The following SMN2 variants were observed in gnomAD, a reference collection of about 807,000 sequenced individuals.
The protein encoded by SMN2 is survival of motor neuron 2, centromeric.
A neutral mutation model predicts 2.8 loss-of-function variants in SMN2; 1 was observed. The ratio of observed to expected loss-of-function variants is 0.35; its 90% CI spans 0.13 to 1.68. The LOEUF (loss-of-function observed/expected upper bound fraction) is 1.68, where lower values mean the gene tolerates loss of function less well. SMN2 is among the 40% of genes most tolerant of loss of function. The probability of loss-of-function intolerance (pLI) is 0.35; values close to 1 mark genes in which losing one functional copy is unlikely to be tolerated. For synonymous variants in SMN2, 5 were observed against 5.0 expected (o/e 0.99, Z 0.01); for missense variants, 12 against 16.9 (o/e 0.71, Z 0.51).
chr5:70,077,940 T>C (rs1774803802), downstream of SMN2: 1 of 110,400 alleles, frequency 9.1e-6, no homozygotes, highest in Non-Finnish European at 1.8e-5. Flanking sequence ...TTTCACCATG[T>C]TGGCCAGGCT....
At chr5:70,073,124 C>CA (rs1284419959) in intron 7 of SMN2, among the ~76,000 whole-genome samples, 1 of 39,574 alleles carries the variant, frequency 2.5e-5, no homozygotes, top group African/African-American at 1.0e-4. Context: ...GACTCTGTCT[C>CA]AAAAAATAAA....
downstream of SMN2, among the ~76,000 whole-genome samples, chr5:70,083,515 C>G (rs547211930): frequency 1.5e-5 from 2 of 135,798 alleles, 1 homozygote; most frequent in Admixed American, 1.5e-4. Flanking sequence ...ATGTTTATTG[C>G]GGCACTATTC....
the SMN2 span, among the ~76,000 whole-genome samples, chr5:70,084,486 C>T: frequency 7.3e-6 from 1 of 136,796 alleles, no homozygotes; most frequent in South Asian, 2.3e-4. Flanking sequence ...CGTGCCCGAC[C>T]TACATTTAAA....
At chr5:70,052,806 C>A (rs1774486354) in intron 1 of SMN2, among the ~76,000 whole-genome samples, 1 of 72,238 alleles carries the variant, frequency 1.4e-5, no homozygotes, top group African/African-American at 4.9e-5. Flanking sequence ...CACTTGAACC[C>A]GGGATGTGGA....
At chr5:70,070,018 A>G (rs1333747596) in intron 6 of SMN2, among the ~76,000 whole-genome samples, 1 of 33,138 alleles carries the variant, frequency 3.0e-5, no homozygotes, top group Non-Finnish European at 5.0e-5. Flanking sequence ...CTGGATTTCT[A>G]ATGGTAGATT....
chr5:70,052,904 G>T (rs1247949927), intron 1 of SMN2, among the ~76,000 whole-genome samples: 2 of 131,264 alleles, frequency 1.5e-5, no homozygotes, highest in East Asian at 4.2e-4. Context: ...AAAAAAAAGT[G>T]GGAGGATCAA....
chr5:70,052,379 A>G (rs963317400), intron 1 of SMN2, among the ~76,000 whole-genome samples: 1 of 36,800 alleles, frequency 2.7e-5, no homozygotes, highest in African/African-American at 8.4e-5. Flanking sequence ...TGTCTCTACT[A>G]AAAATACAAA....
the SMN2 span, among the ~76,000 whole-genome samples, chr5:70,085,094 A>G: frequency 2.3e-5 from 3 of 132,644 alleles, 1 homozygote; most frequent in African/African-American, 9.8e-5. Context: ...GTGATTCCCA[A>G]GCATTGTGCT....
At chr5:70,049,528 AATGTGGGAGGGCG>A (rs1774422070), upstream of SMN2, 1 of 86,568 alleles carries the variant, frequency 1.2e-5, no homozygotes, top group Non-Finnish European at 2.1e-5. Context: ...ACACGCCACA[AATGTGGGAGGGCG>A]ATAACCACTC....
At chr5:70,084,729 G>T in the SMN2 span, among the ~76,000 whole-genome samples, 1 of 137,454 alleles carries the variant, frequency 7.3e-6, no homozygotes, top group Non-Finnish European at 1.5e-5. Context: ...TGTTTATATG[G>T]TCTTCCCATT....
rs1257284462 is a variant in SMN2 at position 70,075,021 on chromosome 5, T to A, written c.835-1500T>A. Among the ~76,000 whole-genome samples the A allele has an allele frequency of 1.1e-4, 14 of 125,510 alleles. 2 individuals are homozygous for A. Among genetic ancestry groups the A allele is most frequent in the East Asian group, 2.2e-4 (1 of 4,546 alleles). 82.3% of individuals were successfully genotyped at this position (125,510 alleles called of 152,430 possible). Reference sequence around the variant, plus strand: ...AAAAAAAGGAAGAAAAATATTTTTTTAAATTAATTAGTTTATTTATTTTTT... The same window carrying A: ...AAAAAAAGGAAGAAAAATATTTTTTAAAATTAATTAGTTTATTTATTTTTT... On this transcript the variant is annotated intron_variant, in intron 7 of 8. Coordinates refer to ENST00000380743, the MANE Select transcript of SMN2 (RefSeq NM_017411.4).
chr5:70,071,516 ATTTTTTTT>A (rs1350107358), intron 7 of SMN2: 3 of 86,532 alleles, frequency 3.5e-5, no homozygotes, highest in African/African-American at 1.6e-4. Context: ...ATTTTATTTT[ATTTTTTTT>A]TTTTTTTTGA....
At chr5:70,076,670 G>C in intron 8 of SMN2, 96 bp downstream of exon 8, 2 of 1,406,330 alleles carry the variant, frequency 1.4e-6, no homozygotes, top group Admixed American at 2.2e-5. Flanking sequence ...AAGTTCAGAT[G>C]TTAGAAAGTT....
intron 7 of SMN2, among the ~76,000 whole-genome samples, chr5:70,075,510 G>T (rs1438230052): frequency 8.3e-6 from 1 of 120,078 alleles, no homozygotes; most frequent in African/African-American, 3.5e-5. Context: ...CACTGTGCCC[G>T]GCCTAGTCTT....
intron 7 of SMN2, among the ~76,000 whole-genome samples, chr5:70,074,667 G>C (rs1774686722): frequency 8.5e-6 from 1 of 117,384 alleles, no homozygotes; most frequent in Non-Finnish European, 1.8e-5. Context: ...TAAGGTATAA[G>C]CGGGCTCAGG....
chr5:70,076,536 C>G lies in SMN2; in HGVS notation c.850C>G (p.Gln284Glu). ...TGYYMGFRQN[Q>E]KEGRCSHSLN is the part of the protein sequence containing the mutation. Reference sequence around the variant, plus strand: ...TTCCTTACAGGGTTTTAGACAAAATCAAAAAGAAGGAAGGTGCTCACATTC... The same window carrying G: ...TTCCTTACAGGGTTTTAGACAAAATGAAAAAGAAGGAAGGTGCTCACATTC... Residue 284 changes from glutamine to glutamate, a missense_variant, in exon 8 of 9, where the codon CAA (glutamine) becomes GAA (glutamate). Gln to Glu is a conservative substitution (Grantham distance 29). Coordinates refer to ENST00000380743, the MANE Select transcript of SMN2 (RefSeq NM_017411.4). The G allele has an allele frequency of 6.8e-7, 1 of 1,463,274 alleles. No homozygotes were observed. The allele number at this position is 1,463,274 out of a possible 1,614,324, so 90.6% of individuals were successfully genotyped here. A position where few individuals can be genotyped will look rare whatever the true frequency, so the allele number is the denominator to read the frequency against.
rs867609686 is a variant in SMN2 at position 70,075,961 on chromosome 5, C to T, written c.835-560C>T. 6.4e-5 allele frequency among the ~76,000 whole-genome samples: 8 copies of T among 125,760 alleles called. 2 individuals carry two copies. The highest frequency in any genetic ancestry group is 3.2e-4 in the Admixed American group (4 of 12,634). 82.5% of individuals were successfully genotyped at this position (125,760 alleles called of 152,430 possible). A position where few individuals can be genotyped will look rare whatever the true frequency, so the allele number is the denominator to read the frequency against. ...CTCCGCCTCCTGGGTTCAAGTGATT[C>T]TCCTGCCTCAACCTCCCAAGTAGCT... On this transcript the variant is annotated intron_variant, in intron 7 of 8. Coordinates refer to ENST00000380743, the MANE Select transcript of SMN2 (RefSeq NM_017411.4).
At chr5:70,052,939 G>C (rs1774496799) in intron 1 of SMN2, among the ~76,000 whole-genome samples, 1 of 117,862 alleles carries the variant, frequency 8.5e-6, no homozygotes, top group South Asian at 2.7e-4. Flanking sequence ...TAATGAAGTG[G>C]AATGATTGTC....
chr5:70,071,088 CTTTTTTTTTTT>C (rs1164147978), intron 7 of SMN2: 1 of 51,032 alleles, frequency 2.0e-5, no homozygotes, highest in Non-Finnish European at 3.3e-5. Context: ...AAATGAAATT[CTTTTTTTTTTT>C]TTTTTTTTTT....
Sources: allele counts gnomAD v4.1 joint callset (sites outside exome capture counted in the v4.1 genomes callset), GRCh38; gene constraint gnomAD v4.1.1; transcripts MANE v1.5; gene names NCBI Gene and HGNC (gene_info 2026-07-23, HGNC 2026-07-21).